STRBP: variants seen among roughly 807,000 people sequenced by gnomAD.
The protein encoded by STRBP is spermatid perinuclear RNA binding protein.
Under a neutral mutation model 80.1 loss-of-function variants are expected in STRBP, and 13 were observed. That is an observed-to-expected ratio of 0.16 (90% CI 0.11 to 0.26). The LOEUF is 0.26. Ranked by LOEUF, STRBP falls within the 10% of genes least tolerant of loss-of-function variation. STRBP has a pLI of 1.00. For missense variants in STRBP, 485 were observed against 815.2 expected (o/e 0.59, Z 4.93); for synonymous variants, 284 against 291.2 (o/e 0.98, Z 0.25).
intron 1 of STRBP, among the ~76,000 whole-genome samples, chr9:123,263,665 T>C (rs1564343885): frequency 1.3e-5 from 2 of 151,464 alleles, no homozygotes; most frequent in Non-Finnish European, 2.9e-5. Flanking sequence ...CCCCCTCAAA[T>C]AGAGCATTAC....
At chr9:123,189,350 T>C (rs1164845832) in intron 2 of STRBP, among the ~76,000 whole-genome samples, 1 of 148,298 alleles carries the variant, frequency 6.7e-6, no homozygotes, top group African/African-American at 2.5e-5. Flanking sequence ...TTAGGAGATA[T>C]ACCTAATGTT....
At chr9:123,153,347 C>G (rs554650717) in intron 11 of STRBP, among the ~76,000 whole-genome samples, 19 of 152,156 alleles carry the variant, frequency 1.2e-4, no homozygotes, top group Admixed American at 7.8e-4. Flanking sequence ...CATGCCACCA[C>G]GCCCAGCTAA....
intron 17 of STRBP, 50 bp downstream of exon 17, chr9:123,132,795 T>TG: frequency 1.2e-6 from 2 of 1,604,540 alleles, no homozygotes; most frequent in South Asian, 2.2e-5. Flanking sequence ...TGCTATTCTT[T>TG]GAATTTCGGC....
chr9:123,193,256 G>A (rs1307730747), intron 2 of STRBP, among the ~76,000 whole-genome samples: 1 of 152,118 alleles, frequency 6.6e-6, no homozygotes, highest in Non-Finnish European at 1.5e-5. Context: ...GCACTCAGCA[G>A]AGGCTCAATA....
At chr9:123,192,245 T>C (rs1280008278) in intron 2 of STRBP, among the ~76,000 whole-genome samples, 1 of 152,022 alleles carries the variant, frequency 6.6e-6, no homozygotes, top group Non-Finnish European at 1.5e-5. Flanking sequence ...GGATATAAAT[T>C]TGGGAGTTTT....
At chr9:123,249,988 T>A (rs2040878277) in intron 1 of STRBP, among the ~76,000 whole-genome samples, 1 of 152,236 alleles carries the variant, frequency 6.6e-6, no homozygotes, top group African/African-American at 2.4e-5. Context: ...TGCATAATGT[T>A]ATAAAACCAT....
intron 18 of STRBP, among the ~76,000 whole-genome samples, chr9:123,127,353 C>T (rs908930640): frequency 6.6e-6 from 1 of 152,188 alleles, no homozygotes; most frequent in African/African-American, 2.4e-5. Flanking sequence ...AAGGGCCTTT[C>T]CCTTCTGTGT....
chr9:123,150,769 G>A (rs1322936546), intron 11 of STRBP, among the ~76,000 whole-genome samples: 3 of 152,054 alleles, frequency 2.0e-5, no homozygotes, highest in Admixed American at 6.6e-5. Flanking sequence ...CAAGGTCCAA[G>A]CAGAGAAGGG....
At chr9:123,248,886 A>G (rs1175896606) in intron 1 of STRBP, among the ~76,000 whole-genome samples, 2 of 152,226 alleles carry the variant, frequency 1.3e-5, no homozygotes, top group East Asian at 3.8e-4. Context: ...ACTACTAAAG[A>G]GAAGGAACCG....
chr9:123,156,115 T>C lies in STRBP; in HGVS notation c.1045+1897A>G, dbSNP rs183093588. 2.2e-4 allele frequency among the ~76,000 whole-genome samples: 34 copies of C among 152,062 alleles called. No individual in the cohort carries two copies. The East Asian group carries it at 6.4e-3, about 28-fold the overall frequency. Reference sequence around the variant, plus strand: ...CTAAGTCACATAATAGTAAACATACTTTTACTATCTAGTGAAGGGGAAAAT... The same window carrying C: ...CTAAGTCACATAATAGTAAACATACCTTTACTATCTAGTGAAGGGGAAAAT... On this transcript the variant is annotated intron_variant, in intron 11 of 18. Transcript: ENST00000348403.
Position 123,115,447 on chromosome 9 carries a change from G to A in STRBP, c.*84+482C>T, listed in dbSNP as rs2035631126. 2.1e-6 allele frequency: 1 copy of A among 467,172 alleles called. No individual in the cohort carries two copies. The highest frequency in any genetic ancestry group is 1.6e-5 in the South Asian group (1 of 64,250). The allele number at this position is 467,172 out of a possible 1,614,324, so 28.9% of individuals were successfully genotyped here. On this transcript the variant is annotated intron_variant and NMD_transcript_variant, in intron 3 of 3. Transcript: ENST00000471564. The surrounding 1 kb of genome is among the most constrained non-coding windows in gnomAD (Gnocchi z 5.0). ...GAAGCCTTTCTCCCTGCACAGAGGA[G>A]GACTCTCATTCTGTTCAAATCCTCT... is the stretch of plus-strand genomic sequence containing the variant.
Position 123,132,968 on chromosome 9 carries a change from C to T in STRBP, c.1774G>A (p.Ala592Thr), listed in dbSNP as rs772391911. Residue 592 changes from alanine to threonine, a missense_variant and splice_region_variant, in exon 17 of 19, where the codon GCA becomes ACA. By Grantham distance (58) the Ala-to-Thr change is moderately conservative. Coordinates refer to ENST00000348403, the MANE Select transcript of STRBP (RefSeq NM_018387.5). ...NNKKKKIIPQ[A>T]KGVVNTAVSA... is the part of the protein sequence containing the mutation. ...ACAGCTGTATTCACAACGCCCTTTG[C>T]CTGTTAAAATAACACATTTTCATTA... is the stretch of plus-strand genomic sequence containing the variant. 9.3e-6 allele frequency: 15 copies of T among 1,611,500 alleles called. No homozygotes were observed. In the East Asian group the frequency reaches 1.6e-4, roughly 17 times the overall value.
rs532597638 is a variant in STRBP at position 123,265,435 on chromosome 9, C to T, written c.-302+3001G>A. On this transcript the variant is annotated intron_variant, in intron 1 of 18. Transcript: ENST00000348403. ...ATACTAGGTACCACACTACACATTA[C>T]GTGAAGCCCACAGAGTGATAATTGA... 3.3e-5 allele frequency among the ~76,000 whole-genome samples: 5 copies of T among 152,304 alleles called. No homozygotes were observed. The South Asian group carries it at 8.3e-4, about 25-fold the overall frequency.
chr9:123,156,179 A>G (rs2132383284), intron 11 of STRBP, among the ~76,000 whole-genome samples: 2 of 152,298 alleles, frequency 1.3e-5, no homozygotes, highest in South Asian at 4.1e-4. Context: ...GGTGATTGAA[A>G]TAAAATTTTC....
At position 123,173,826 on chromosome 9, in the gene STRBP, T is replaced by C; in HGVS notation, c.241A>G (p.Thr81Ala). 1 of 1,605,208 alleles carries C rather than the reference T, an allele frequency of 6.2e-7. No individual in the cohort carries two copies. Among genetic ancestry groups the C allele is most frequent in the South Asian group, 1.1e-5 (1 of 89,488 alleles). ...CCAATCCTCATTACACCACACAATG[T>C]CCGACCACCTTGATCCCTAAAAATA... ...ENYSKDQGGR[T>A]LCGVMRIGLV... The change falls in exon 5 of 19, where the codon ACA becomes GCA. Residue 81 changes from threonine to alanine, a missense_variant. Physicochemically the swap from Thr to Ala is moderately conservative, Grantham distance 58. Coordinates refer to ENST00000348403, the MANE Select transcript of STRBP (RefSeq NM_018387.5).
chr9:123,123,438 C>G lies in STRBP; in HGVS notation c.*2159G>C. ...ACCACTTCTAACAAAGGACTGACAG[C>G]TCGATTATTTTAAGTAAAGCAGAGA... On this transcript the variant is annotated 3_prime_UTR_variant, in exon 19 of 19. Coordinates refer to ENST00000348403, the MANE Select transcript of STRBP (RefSeq NM_018387.5). 1 of 984,928 alleles carries G rather than the reference C, an allele frequency of 1.0e-6. No homozygotes were observed. Among genetic ancestry groups the G allele is most frequent in the Non-Finnish European group, 1.2e-6 (1 of 829,890 alleles). 61.0% of individuals were successfully genotyped at this position (984,928 alleles called of 1,614,324 possible).
chr9:123,197,128 T>C (rs1012366586), intron 2 of STRBP, among the ~76,000 whole-genome samples: 1 of 150,966 alleles, frequency 6.6e-6, no homozygotes, highest in African/African-American at 2.4e-5. Flanking sequence ...TTAAATGAAG[T>C]AAGCCAGACA....
At chr9:123,170,221 A>G (rs1288609159) in intron 5 of STRBP, among the ~76,000 whole-genome samples, 175 bp from the exon 6 acceptor site, 1 of 152,210 alleles carries the variant, frequency 6.6e-6, no homozygotes, top group East Asian at 1.9e-4. Context: ...CTCTCCTCCC[A>G]ACTTACAAGA....
intron 1 of STRBP, among the ~76,000 whole-genome samples, chr9:123,250,847 G>GAT (rs2040898251): frequency 6.6e-6 from 1 of 152,196 alleles, no homozygotes; most frequent in Admixed American, 6.5e-5. Flanking sequence ...GCTGGCTACA[G>GAT]TGGCTCACAC....
Sources: allele counts gnomAD v4.1 joint callset (sites outside exome capture counted in the v4.1 genomes callset), GRCh38; gene constraint gnomAD v4.1.1; non-coding constraint Gnocchi (gnomAD v3.1); transcripts MANE v1.5; gene names NCBI Gene and HGNC (gene_info 2026-07-23, HGNC 2026-07-21).